Variants in RBFOX1 observed in about 807,000 individuals in gnomAD.
RBFOX1 encodes RNA binding protein fox-1 homolog 1.
A neutral mutation model predicts 57.7 loss-of-function variants in RBFOX1; 8 were observed. The ratio of observed to expected loss-of-function variants is 0.14; its 90% CI spans 0.08 to 0.25. The LOEUF (loss-of-function observed/expected upper bound fraction) is 0.25, where lower values mean the gene tolerates loss of function less well. Ranked by LOEUF, RBFOX1 falls within the 10% of genes least tolerant of loss-of-function variation. RBFOX1 has a pLI of 1.00. For synonymous variants in RBFOX1, 326 were observed against 222.4 expected (o/e 1.47, Z -4.15); for missense variants, 611 against 548.5 (o/e 1.11, Z -1.14).
chr16:6,807,136 T>C (rs1303072906), intron 3 of RBFOX1, among the ~76,000 whole-genome samples: 1 of 151,712 alleles, frequency 6.6e-6, no homozygotes, highest in Non-Finnish European at 1.5e-5. Context: ...GCCCAGCCTC[T>C]TTTTTTCCTT....
In RBFOX1 at chr16:7,232,715, C is replaced by A. The variant is rs149517668; in HGVS notation, c.27+180617C>A. ...AATTAGCTGGGTGTGGTGGTGCATG[C>A]CTGTAGTCCCAGCTACTGAGAAGGC... is the stretch of plus-strand genomic sequence containing the variant. On this transcript the variant is annotated intron_variant, in intron 4 of 15. Coordinates refer to ENST00000550418, the MANE Select transcript of RBFOX1 (RefSeq NM_018723.4). Among the ~76,000 whole-genome samples, 1,071 of 152,082 alleles carry A rather than the reference C, an allele frequency of 7.0e-3. 16 individuals are homozygous for A. Among genetic ancestry groups the A allele is most frequent in the African/African-American group, 0.025 (1,027 of 41,494 alleles).
intron 3 of RBFOX1, among the ~76,000 whole-genome samples, chr16:6,709,873 A>G (rs1481021994): frequency 6.6e-6 from 1 of 152,094 alleles, no homozygotes; most frequent in African/African-American, 2.4e-5. Flanking sequence ...GAGGCTGGAG[A>G]GGGAACGGCC....
intron 2 of RBFOX1, among the ~76,000 whole-genome samples, chr16:5,594,121 C>G (rs566619224): frequency 4.7e-4 from 71 of 152,258 alleles, no homozygotes; most frequent in Admixed American, 4.4e-3. Flanking sequence ...CACCCAGAAC[C>G]CCACCTCTGA....
intron 1 of RBFOX1, among the ~76,000 whole-genome samples, chr16:6,074,090 A>G (rs1305060750): frequency 6.6e-6 from 1 of 152,058 alleles, no homozygotes; most frequent in Non-Finnish European, 1.5e-5. Flanking sequence ...CTGGGACTAT[A>G]GGCGCCCGCC....
At position 6,837,621 on chromosome 16, in the gene RBFOX1, C is replaced by T. The variant is rs186695893; in HGVS notation, c.-16+182971C>T. Among the ~76,000 whole-genome samples, 64 of 152,260 alleles carry T rather than the reference C, an allele frequency of 4.2e-4. No individual in the cohort carries two copies. The East Asian group carries it at 6.6e-3, about 16-fold the overall frequency. ...ACAATTTGTGCAATCTTGGGCAAGT[C>T]GCTCAATCTCTCTAAGCCTCACTCC... On this transcript the variant is annotated intron_variant, in intron 3 of 15. Coordinates refer to ENST00000550418, the MANE Select transcript of RBFOX1 (RefSeq NM_018723.4).
chr16:6,692,526 G>A (rs148528559), intron 3 of RBFOX1, among the ~76,000 whole-genome samples: 1 of 152,086 alleles, frequency 6.6e-6, no homozygotes, highest in Non-Finnish European at 1.5e-5. Flanking sequence ...TCGGCCTCCT[G>A]GTTCCTCTCT....
chr16:7,117,440 T>A (rs1318602337), intron 4 of RBFOX1, among the ~76,000 whole-genome samples: 1 of 152,200 alleles, frequency 6.6e-6, no homozygotes, highest in Non-Finnish European at 1.5e-5. Context: ...GAATCAGAGA[T>A]CATGTAAGTT....
intron 1 of RBFOX1, chr16:5,366,285 G>A: frequency 2.7e-6 from 1 of 375,898 alleles, no homozygotes; most frequent in Non-Finnish European, 5.1e-6. Flanking sequence ...AGATGATGCT[G>A]GTCATGACGA....
chr16:7,599,141 G>A (rs567147536), intron 9 of RBFOX1, among the ~76,000 whole-genome samples: 2 of 152,236 alleles, frequency 1.3e-5, no homozygotes, highest in African/African-American at 4.8e-5. Flanking sequence ...TAAATGCCCA[G>A]TGCTGAACTG....
intron 1 of RBFOX1, among the ~76,000 whole-genome samples, chr16:5,323,746 G>A (rs1440155266): frequency 6.6e-6 from 1 of 152,184 alleles, no homozygotes; most frequent in Admixed American, 6.5e-5. Context: ...CAACAAAACC[G>A]ATTCCTACAC....
intron 3 of RBFOX1, among the ~76,000 whole-genome samples, chr16:5,735,075 G>A (rs775100279): frequency 3.3e-5 from 5 of 152,246 alleles, no homozygotes; most frequent in Non-Finnish European, 7.3e-5. Context: ...TGGGGGCCAT[G>A]CCTTGTGATC....
At chr16:7,156,419 AGTT>A (rs1372177882) in intron 4 of RBFOX1, among the ~76,000 whole-genome samples, 1 of 152,090 alleles carries the variant, frequency 6.6e-6, no homozygotes, top group Non-Finnish European at 1.5e-5. Context: ...GTGTGCGTAT[AGTT>A]GTACATACAC....
intron 3 of RBFOX1, among the ~76,000 whole-genome samples, chr16:6,741,101 A>G (rs1158670138): frequency 1.3e-5 from 2 of 152,188 alleles, no homozygotes; most frequent in South Asian, 4.1e-4. Flanking sequence ...CCAGTAATGC[A>G]AAAGCAATTT....
intron 3 of RBFOX1, among the ~76,000 whole-genome samples, chr16:6,738,685 A>T (rs889681192): frequency 2.0e-5 from 3 of 152,182 alleles, no homozygotes; most frequent in Non-Finnish European, 4.4e-5. Flanking sequence ...CAGAATACAC[A>T]TTCTTTTAAG....
At chr16:6,346,468 C>A (rs80175815) in intron 2 of RBFOX1, among the ~76,000 whole-genome samples, 1 of 151,624 alleles carries the variant, frequency 6.6e-6, no homozygotes, top group Non-Finnish European at 1.5e-5. Context: ...TAATCCCAGG[C>A]GGCCAAGGGA....
intron 3 of RBFOX1, among the ~76,000 whole-genome samples, chr16:6,655,750 G>C (rs181965900): frequency 6.6e-6 from 1 of 152,010 alleles, no homozygotes; most frequent in African/African-American, 2.4e-5. Context: ...TTTTGACATC[G>C]TTCCACAAGT....
At chr16:7,155,828 C>T (rs11644594) in intron 4 of RBFOX1, among the ~76,000 whole-genome samples, 42,900 of 148,872 alleles carry the variant, frequency 0.29, 7,660 homozygotes, top group Admixed American at 0.43. Context: ...TAAATGTGCT[C>T]TATATAATAC....
chr16:5,929,206 C>G (rs1384771322), intron 4 of RBFOX1, among the ~76,000 whole-genome samples: 1 of 152,018 alleles, frequency 6.6e-6, no homozygotes, highest in Admixed American at 6.5e-5. Context: ...CCTTCTCACC[C>G]CTCCCCCAGC....
At chr16:5,457,454 G>C (rs1001395710) in intron 1 of RBFOX1, among the ~76,000 whole-genome samples, 1 of 152,112 alleles carries the variant, frequency 6.6e-6, no homozygotes, top group African/African-American at 2.4e-5. Context: ...CTTTTTATAA[G>C]AGCACTAATC....
Sources: allele counts gnomAD v4.1 joint callset (sites outside exome capture counted in the v4.1 genomes callset), GRCh38; gene constraint gnomAD v4.1.1; transcripts MANE v1.5; gene names NCBI Gene and HGNC (gene_info 2026-07-23, HGNC 2026-07-21).